CSMD1: variants seen among roughly 807,000 people sequenced by gnomAD.
CSMD1 encodes CUB and sushi domain-containing protein 1.
In CSMD1, 213 loss-of-function variants were observed where a neutral mutation model predicts 417.5. The ratio of observed to expected loss-of-function variants is 0.51; its 90% CI spans 0.46 to 0.57. CSMD1 has a LOEUF of 0.57. CSMD1 is among the 20% of genes least tolerant of loss of function. CSMD1 has a pLI of 0.00. For synonymous variants in CSMD1, 2,862 were observed against 1,736.8 expected, an observed-to-expected ratio of 1.65 and a Z score of -16.11; for missense variants, 6,923 against 4,529.7, an observed-to-expected ratio of 1.53 and a Z score of -15.17.
intron 16 of CSMD1, among the ~76,000 whole-genome samples, chr8:3,398,492 C>T (rs1020586685): frequency 2.6e-5 from 4 of 152,092 alleles, no homozygotes; most frequent in Admixed American, 2.6e-4. Context: ...AAAAACCTTT[C>T]CTGTGTTGAT....
At chr8:4,661,982 T>A (rs556359582) in intron 1 of CSMD1, among the ~76,000 whole-genome samples, 2 of 152,346 alleles carry the variant, frequency 1.3e-5, no homozygotes, top group South Asian at 4.1e-4. Context: ...ATATTCAATA[T>A]AATTTTGCTC....
chr8:4,214,294 A>G (rs1800500119), intron 3 of CSMD1, among the ~76,000 whole-genome samples: 1 of 152,194 alleles, frequency 6.6e-6, no homozygotes, highest in Non-Finnish European at 1.5e-5. Flanking sequence ...AATTAGTAGT[A>G]ATAGTATTAG....
chr8:3,428,366 T>A (rs1214322034), intron 12 of CSMD1, among the ~76,000 whole-genome samples: 1 of 152,148 alleles, frequency 6.6e-6, no homozygotes, highest in African/African-American at 2.4e-5. Context: ...TATGCCAATA[T>A]TCAAATTACA....
At chr8:3,464,558 C>G (rs1440501268) in intron 12 of CSMD1, among the ~76,000 whole-genome samples, 2 of 149,510 alleles carry the variant, frequency 1.3e-5, no homozygotes, top group Non-Finnish European at 3.0e-5. Context: ...TGGATTCTAT[C>G]TATTATAAAT....
intron 3 of CSMD1, among the ~76,000 whole-genome samples, chr8:4,135,513 A>G (rs1215379472): frequency 1.3e-5 from 2 of 152,294 alleles, no homozygotes; most frequent in South Asian, 2.1e-4. Context: ...AAGCTTTAGG[A>G]AAGCCTGAGA....
chr8:2,982,367 A>C (rs982212143), intron 54 of CSMD1, among the ~76,000 whole-genome samples: 15 of 151,978 alleles, frequency 9.9e-5, no homozygotes, highest in African/African-American at 3.4e-4. Flanking sequence ...AAAAACAAAC[A>C]AACAAACGAA....
At chr8:4,675,347 G>C (rs1383802533) in intron 1 of CSMD1, among the ~76,000 whole-genome samples, 1 of 152,142 alleles carries the variant, frequency 6.6e-6, no homozygotes, top group Non-Finnish European at 1.5e-5. Context: ...TGAGTGTAGA[G>C]AAATGTTTGA....
At chr8:3,102,540 G>A (rs781370691) in intron 46 of CSMD1, among the ~76,000 whole-genome samples, 1 of 152,174 alleles carries the variant, frequency 6.6e-6, no homozygotes, top group African/African-American at 2.4e-5. Context: ...CTCATGTTGT[G>A]TTGATTTAGA....
At chr8:3,203,003 C>T (rs1041475096) in intron 31 of CSMD1, among the ~76,000 whole-genome samples, 2 of 152,100 alleles carry the variant, frequency 1.3e-5, no homozygotes, top group African/African-American at 4.8e-5. Context: ...CCACCCACCA[C>T]CTCCCCAAGT....
chr8:4,740,510 T>A (rs1810535193), intron 1 of CSMD1, among the ~76,000 whole-genome samples: 1 of 152,184 alleles, frequency 6.6e-6, no homozygotes, highest in African/African-American at 2.4e-5. Flanking sequence ...GACAGAAATT[T>A]TCTTTCTGTC....
chr8:4,876,809 T>A (rs908899802), intron 1 of CSMD1, among the ~76,000 whole-genome samples: 1 of 152,038 alleles, frequency 6.6e-6, no homozygotes, highest in Non-Finnish European at 1.5e-5. Flanking sequence ...CCTTCTCAGA[T>A]CTAAATTAGT....
intron 6 of CSMD1, among the ~76,000 whole-genome samples, chr8:3,725,041 T>C (rs1802404036): frequency 6.6e-6 from 1 of 152,170 alleles, no homozygotes; most frequent in Non-Finnish European, 1.5e-5. Context: ...CCCATTAACC[T>C]CTCCAGACGA....
At chr8:3,207,582 G>C (rs1265006847) in intron 30 of CSMD1, among the ~76,000 whole-genome samples, 2 of 152,052 alleles carry the variant, frequency 1.3e-5, no homozygotes, top group Non-Finnish European at 2.9e-5. Flanking sequence ...CTTAGAATAT[G>C]GTAATGCTAA....
intron 40 of CSMD1, among the ~76,000 whole-genome samples, chr8:3,148,461 G>C (rs747119930): frequency 2.0e-5 from 3 of 152,178 alleles, no homozygotes; most frequent in Non-Finnish European, 4.4e-5. Context: ...CTGACTCAGA[G>C]GAAATCATTC....
At chr8:4,448,303 TG>T (rs1798936979) in intron 2 of CSMD1, among the ~76,000 whole-genome samples, 1 of 152,210 alleles carries the variant, frequency 6.6e-6, no homozygotes, top group Admixed American at 6.5e-5. Flanking sequence ...GGGTACATTT[TG>T]TTTGCCGATC....
chr8:4,031,640 T>TATG, intron 4 of CSMD1, among the ~76,000 whole-genome samples: 2 of 110,366 alleles, frequency 1.8e-5, no homozygotes, highest in Middle Eastern at 9.2e-3. Context: ...ACTTTTCTCG[T>TATG]ATAACATGTA....
chr8:3,884,339 G>C (rs181406383), intron 5 of CSMD1, among the ~76,000 whole-genome samples: 5 of 152,280 alleles, frequency 3.3e-5, no homozygotes, highest in Non-Finnish European at 5.9e-5. Flanking sequence ...CTTGCATAAA[G>C]TAATCAACTG....
At position 4,147,031 on chromosome 8, in the gene CSMD1, G is replaced by A. The variant is rs138562882; in HGVS notation, c.416-114932C>T. On this transcript the variant is annotated intron_variant, in intron 3 of 69. Coordinates refer to ENST00000635120, the MANE Select transcript of CSMD1 (RefSeq NM_033225.6). Reference sequence around the variant, plus strand: ...CAGAGGCCAGGAGAGTCAGAGATCGGGGGTTTTCTGGGCTTTTCCTTCACC... The same window carrying A: ...CAGAGGCCAGGAGAGTCAGAGATCGAGGGTTTTCTGGGCTTTTCCTTCACC... Among the ~76,000 whole-genome samples the A allele has an allele frequency of 9.2e-5, 14 of 151,966 alleles. No individual in the cohort carries two copies. The East Asian group carries it at 2.7e-3, about 30-fold the overall frequency.
At chr8:3,378,308 T>C (rs1187360002) in intron 18 of CSMD1, among the ~76,000 whole-genome samples, 1 of 151,958 alleles carries the variant, frequency 6.6e-6, no homozygotes, top group Admixed American at 6.6e-5. Flanking sequence ...ACAGTCGAAT[T>C]CTCCCAGAAG....
Sources: gnomAD v4.1 joint callset for allele counts (sites outside exome capture counted in the v4.1 genomes callset) on GRCh38, gnomAD v4.1.1 for gene constraint, MANE v1.5 for transcripts, NCBI Gene and HGNC (gene_info 2026-07-23, HGNC 2026-07-21) for gene names.